Variants in HHLA1 observed in about 807,000 individuals in gnomAD.
The protein encoded by HHLA1 is HERV-H LTR-associating protein 1.
A neutral mutation model predicts 69.9 loss-of-function variants in HHLA1; 72 were observed. That is an observed-to-expected ratio of 1.03 (90% confidence interval 0.85 to 1.25). HHLA1 has a LOEUF of 1.25. HHLA1 is among the 50% of genes most tolerant of loss of function. HHLA1 has a pLI of 0.00. For missense variants in HHLA1, 685 were observed against 642.2 expected (o/e 1.07, Z -0.72); for synonymous variants, 252 against 233.2 (o/e 1.08, Z -0.73).
At position 132,061,902 on chromosome 8, in the gene HHLA1, C is replaced by T. The variant is rs916925589; in HGVS notation, c.*2093G>A. The T allele has an allele frequency of 5.3e-5, 8 of 152,184 alleles. No individual in the cohort carries two copies. Among genetic ancestry groups the T allele is most frequent in the South Asian group, 2.1e-4 (1 of 4,826 alleles). 9.4% of individuals were successfully genotyped at this position (152,184 alleles called of 1,614,324 possible). On this transcript the variant is annotated 3_prime_UTR_variant, in exon 17 of 17. Coordinates refer to ENST00000414222, the MANE Select transcript of HHLA1 (RefSeq NM_001145095.3). ...CCTTGCATAAGCCTCAGAGGTATTCCGCATTTGAGCTTCTTAAAGATTATA... is the reference window on the plus strand; with the variant it reads ...CCTTGCATAAGCCTCAGAGGTATTCTGCATTTGAGCTTCTTAAAGATTATA...
Position 132,087,817 on chromosome 8 carries a change from G to C in HHLA1, c.589+28C>G, listed in dbSNP as rs186962124. ...TTTTGTCTATTTCTCAGCCCAGAGA[G>C]CTTGTCAAAGAATGTCTAGTGGTTT... On this transcript the variant is annotated intron_variant, in intron 9 of 16. Transcript: ENST00000414222. 4.3e-5 allele frequency: 67 copies of C among 1,547,512 alleles called. 1 individual carries two copies. Among genetic ancestry groups the C allele is most frequent in the Non-Finnish European group, 1.0e-5 (12 of 1,143,074 alleles).
intron 7 of HHLA1, 91 bp from the exon 8 acceptor site, chr8:132,089,690 C>T: frequency 1.4e-6 from 1 of 724,422 alleles, no homozygotes; most frequent in South Asian, 1.5e-5. Context: ...GTAAATTTTA[C>T]AAGTTTGATT....
intron 10 of HHLA1, among the ~76,000 whole-genome samples, chr8:132,083,456 G>A (rs1244396345): frequency 2.0e-5 from 3 of 152,108 alleles, no homozygotes; most frequent in Non-Finnish European, 2.9e-5. Flanking sequence ...CTTGGCGTCC[G>A]TGATGGTCTA....
rs1430529476 is a variant in HHLA1 at position 132,063,783 on chromosome 8, TC to T, written c.*211del. The T allele has an allele frequency of 4.7e-6, 1 of 211,938 alleles. No individual in the cohort carries two copies. Among genetic ancestry groups the T allele is most frequent in the Non-Finnish European group, 1.0e-5 (1 of 97,748 alleles). 13.1% of individuals were successfully genotyped at this position (211,938 alleles called of 1,614,324 possible). On this transcript the variant is annotated 3_prime_UTR_variant, in exon 17 of 17. Coordinates refer to ENST00000414222, the MANE Select transcript of HHLA1 (RefSeq NM_001145095.3). ...GCATTACTGTATTAATTGTGAGGCC[TC>T]TAACAAGAAAACTTCTACCTTCAAT...
In HHLA1 at chr8:132,071,968, A is replaced by G. The variant is rs117344135; in HGVS notation, c.1316-475T>C. The stretch of plus-strand genomic sequence containing the variant: ...TATGTATGTGCATGCATGTGAGAGC[A>G]TATGGATATGTGTTTGCCTGTGTGT... On this transcript the variant is annotated intron_variant, in intron 14 of 16. Transcript: ENST00000414222. 4.8e-3 allele frequency among the ~76,000 whole-genome samples: 728 copies of G among 152,086 alleles called. 4 individuals are homozygous for G. Among genetic ancestry groups the G allele is most frequent in the East Asian group, 0.028 (145 of 5,170 alleles).
Position 132,071,457 on chromosome 8 carries a change from GC to G in HHLA1, c.1351del (p.Ala451GlnfsTer16). 1 of 1,551,656 alleles carries G rather than the reference GC, an allele frequency of 6.4e-7. No homozygotes were observed. Among genetic ancestry groups the G allele is most frequent in the Non-Finnish European group, 8.7e-7 (1 of 1,146,942 alleles). On this transcript the variant is annotated frameshift_variant, in exon 15 of 17. Coordinates refer to ENST00000414222, the MANE Select transcript of HHLA1 (RefSeq NM_001145095.3). LOFTEE classifies it high-confidence loss of function. ...PQPLFKVGAM[A>X]AAPLTLAIQR... Reference sequence around the variant, plus strand: ...AATAGCCAGGGTGAGAGGAGCAGCTGCCATAGCTCCCACCTTGAAGAGTGGC... The same window carrying G: ...AATAGCCAGGGTGAGAGGAGCAGCTGCATAGCTCCCACCTTGAAGAGTGGC...
rs1026782593 is a variant in HHLA1, at chr8:132,084,019, C to G, written c.676+3634G>C. 7.1e-3 allele frequency among the ~76,000 whole-genome samples: 1,080 copies of G among 151,738 alleles called. 11 individuals are homozygous for G. The highest frequency in any genetic ancestry group is 0.025 in the African/African-American group (1,030 of 41,436). ...AAAGTGTCTCAGGGTTGCTGCCAAA[C>G]AAGTCATGAACTGGGCTGGATTTTT... On this transcript the variant is annotated intron_variant, in intron 10 of 16. Coordinates refer to ENST00000414222, the MANE Select transcript of HHLA1 (RefSeq NM_001145095.3).
chr8:132,075,377 G>A (rs898685311), intron 14 of HHLA1, among the ~76,000 whole-genome samples: 2 of 152,130 alleles, frequency 1.3e-5, no homozygotes, highest in Non-Finnish European at 2.9e-5. Flanking sequence ...ATGGAATCTG[G>A]CTCAACAGAA....
At chr8:132,068,929 A>G (rs2130875191) in intron 15 of HHLA1, among the ~76,000 whole-genome samples, 1 of 152,336 alleles carries the variant, frequency 6.6e-6, no homozygotes, top group African/African-American at 2.4e-5. Context: ...CTCAGTTTAA[A>G]AATGGACAGG....
rs1401959048 is a variant in HHLA1 at position 132,089,330 on chromosome 8, TAA to T, written c.532+184_532+185del. ...TGTGGATCCCAGAAATATGAAGACT[TAA>T]ATATTGGTGCATTTACTGGTGTGGA... is the stretch of plus-strand genomic sequence containing the variant. On this transcript the variant is annotated intron_variant, in intron 8 of 16. Transcript: ENST00000414222. Among the ~76,000 whole-genome samples, 6 of 152,348 alleles carry T rather than the reference TAA, an allele frequency of 3.9e-5. No homozygotes were observed. The East Asian group carries it at 1.2e-3, about 29-fold the overall frequency.
intron 3 of HHLA1, among the ~76,000 whole-genome samples, chr8:132,101,547 A>C (rs1434384707): frequency 6.6e-6 from 1 of 151,480 alleles, no homozygotes; most frequent in Non-Finnish European, 1.5e-5. Context: ...TTATAATTTT[A>C]TTGAAAAACA....
intron 10 of HHLA1, among the ~76,000 whole-genome samples, chr8:132,086,811 C>T (rs984698708): frequency 6.6e-6 from 1 of 152,136 alleles, no homozygotes; most frequent in South Asian, 2.1e-4. Context: ...TCAAAAGATG[C>T]CCTACAATAA....
chr8:132,082,644 G>A (rs1823776519), intron 10 of HHLA1, among the ~76,000 whole-genome samples: 1 of 152,116 alleles, frequency 6.6e-6, no homozygotes, highest in African/African-American at 2.4e-5. Flanking sequence ...CCTAATGGGT[G>A]TCAGAGTCAG....
Position 132,077,967 on chromosome 8 carries a change from G to C in HHLA1, c.930C>G (p.Thr310=). Residue 310 remains threonine, a synonymous_variant, in exon 12 of 17, where the codon ACC becomes ACG. Transcript: ENST00000414222. The stretch of plus-strand genomic sequence containing the variant: ...ACCACTGAGTTCTGGCCACCCTCCT[G>C]GTAGCTGCACATTCAAAGTGACAGT... ...SASHTLPALA[T]RRVARTQWLT... The C allele has an allele frequency of 6.4e-7, 1 of 1,551,532 alleles. No individual in the cohort carries two copies.
chr8:132,074,263 C>T (rs1823597534), intron 14 of HHLA1, among the ~76,000 whole-genome samples: 1 of 152,154 alleles, frequency 6.6e-6, no homozygotes, highest in Non-Finnish European at 1.5e-5. Context: ...ATCTCTTCCT[C>T]TCTGGATATA....
At chr8:132,102,681 C>T (rs1824129037) in intron 3 of HHLA1, among the ~76,000 whole-genome samples, 1 of 151,868 alleles carries the variant, frequency 6.6e-6, no homozygotes, top group Non-Finnish European at 1.5e-5. Context: ...AGGATTATGT[C>T]AGTTCGGGGT....
rs921182534 is a variant in HHLA1, at chr8:132,061,648, C to T, written c.*2347G>A. 1 of 152,206 alleles carries T rather than the reference C, an allele frequency of 6.6e-6. No individual in the cohort carries two copies. Among genetic ancestry groups the T allele is most frequent in the African/African-American group, 2.4e-5 (1 of 41,444 alleles). The allele number at this position is 152,206 out of a possible 1,614,324, so 9.4% of individuals were successfully genotyped here. ...AGGAGTTCCAGATCAGTAGCACCCC[C>T]TGAGGCTTTCTTATTGCCCTAGCTA... On this transcript the variant is annotated 3_prime_UTR_variant, in exon 17 of 17. Transcript: ENST00000414222.
Position 132,079,794 on chromosome 8 carries a change from G to A in HHLA1, c.849C>T (p.Asn283=). The part of the protein sequence containing the change: ...AAPSETEETL[N]TGRPPELPAR... ...CTGGAAGCTCAGGAGGCCTGCCTGT[G>A]TTCAGGGTCTCCTCTGTTTCTGAAG... is the stretch of plus-strand genomic sequence containing the variant. The change falls in exon 11 of 17, where the codon AAC becomes AAT. Residue 283 remains asparagine, a synonymous_variant. Coordinates refer to ENST00000414222, the MANE Select transcript of HHLA1 (RefSeq NM_001145095.3). 1 of 1,551,730 alleles carries A rather than the reference G, an allele frequency of 6.4e-7. No homozygotes were observed. The highest frequency in any genetic ancestry group is 8.7e-7 in the Non-Finnish European group (1 of 1,146,982).
At chr8:132,103,347 G>A (rs558247751) in intron 3 of HHLA1, among the ~76,000 whole-genome samples, 30 of 152,186 alleles carry the variant, frequency 2.0e-4, no homozygotes, top group Non-Finnish European at 3.2e-4. Flanking sequence ...TCCAGGTCTG[G>A]TGGCTCATGC....
Sources: allele counts gnomAD v4.1 joint callset (sites outside exome capture counted in the v4.1 genomes callset), GRCh38; gene constraint gnomAD v4.1.1; transcripts MANE v1.5; gene names NCBI Gene and HGNC (gene_info 2026-07-23, HGNC 2026-07-21).